The following BAG4 variants were observed in gnomAD, a reference collection of about 807,000 sequenced individuals.
BAG4 encodes the protein BAG family molecular chaperone regulator 4.
In BAG4, 28 loss-of-function variants were observed where a neutral mutation model predicts 52.1. That is an observed-to-expected ratio of 0.54 (90% confidence interval 0.40 to 0.74). BAG4 has a LOEUF of 0.74. BAG4 is among the 30% of genes least tolerant of loss of function. The probability of loss-of-function intolerance (pLI) is 0.00; values close to 1 mark genes in which losing one functional copy is unlikely to be tolerated. For missense variants in BAG4, 525 were observed against 572.0 expected (o/e 0.92, Z 0.84); for synonymous variants, 208 against 217.0 (o/e 0.96, Z 0.37).
At chr8:38,180,958 T>G (rs1803254577) in intron 1 of BAG4, among the ~76,000 whole-genome samples, 1 of 151,336 alleles carries the variant, frequency 6.6e-6, no homozygotes, top group Non-Finnish European at 1.5e-5. Flanking sequence ...TTTTTTTTTT[T>G]GAGACCGAGT....
intron 1 of BAG4, among the ~76,000 whole-genome samples, chr8:38,186,839 G>A (rs932526922): frequency 1.3e-5 from 2 of 152,196 alleles, no homozygotes; most frequent in African/African-American, 2.4e-5. Flanking sequence ...GGATGACTGT[G>A]GGCATACCCA....
intron 2 of BAG4, among the ~76,000 whole-genome samples, chr8:38,205,113 A>G (rs973649078): frequency 2.6e-5 from 4 of 151,616 alleles, no homozygotes; most frequent in Admixed American, 2.0e-4. Flanking sequence ...TCACTGTAAC[A>G]TTGAACTCCT....
rs1025348836 is a variant in BAG4, at chr8:38,211,761, T to G, written c.*1268T>G. On this transcript the variant is annotated 3_prime_UTR_variant, in exon 5 of 5. Coordinates refer to ENST00000287322, the MANE Select transcript of BAG4 (RefSeq NM_004874.4). ...TTATTACCATTATTAACAGTCATTT[T>G]AGAGCCAAATTTAAGAAAAGGATAT... 10 of 152,326 alleles carry G rather than the reference T, an allele frequency of 6.6e-5. No individual in the cohort carries two copies. The highest frequency in any genetic ancestry group is 2.2e-4 in the African/African-American group (9 of 41,590). 9.4% of individuals were successfully genotyped at this position (152,326 alleles called of 1,614,324 possible).
intron 2 of BAG4, among the ~76,000 whole-genome samples, chr8:38,199,110 G>A (rs187565701): frequency 5.3e-5 from 8 of 152,344 alleles, no homozygotes; most frequent in African/African-American, 1.9e-4. Flanking sequence ...CAAGTATTAT[G>A]TATTACATAT....
rs188906718 is a variant in BAG4 at position 38,179,077 on chromosome 8, G to T, written c.270+1938G>T. Among the ~76,000 whole-genome samples the T allele has an allele frequency of 1.3e-3, 193 of 152,200 alleles. 1 individual carries two copies. The highest frequency in any genetic ancestry group is 4.3e-3 in the African/African-American group (178 of 41,514). Reference sequence around the variant, plus strand: ...ACTACTGAATTGTACATTTTAAAAGGGTAGAGTTTATAGTATGTTGATTAT... The same window carrying T: ...ACTACTGAATTGTACATTTTAAAAGTGTAGAGTTTATAGTATGTTGATTAT... On this transcript the variant is annotated intron_variant, in intron 1 of 4. Coordinates refer to ENST00000287322, the MANE Select transcript of BAG4 (RefSeq NM_004874.4).
chr8:38,200,707 T>G (rs1351061630), intron 2 of BAG4, among the ~76,000 whole-genome samples: 1 of 152,126 alleles, frequency 6.6e-6, no homozygotes, highest in Non-Finnish European at 1.5e-5. Flanking sequence ...CAAGCCATTC[T>G]CCTGTCTCAG....
Position 38,176,914 on chromosome 8 carries a change from G to C in BAG4, c.45G>C (p.Pro15=). The change falls in exon 1 of 5, where the codon CCG becomes CCC. Residue 15 remains proline (P), a synonymous_variant. Coordinates refer to ENST00000287322, the MANE Select transcript of BAG4 (RefSeq NM_004874.4). ...RRSGYGPSDG[P]SYGRYYGPGG... ...CGGGCTACGGCCCCAGTGACGGTCC[G>C]TCCTACGGCCGCTACTACGGGCCTG... 6.5e-7 allele frequency: 1 copy of C among 1,549,676 alleles called. No individual in the cohort carries two copies.
rs540707638 is a variant in BAG4 at position 38,192,593 on chromosome 8, T to C, written c.271-95T>C. On this transcript the variant is annotated intron_variant, in intron 1 of 4. Coordinates refer to ENST00000287322, the MANE Select transcript of BAG4 (RefSeq NM_004874.4). The stretch of plus-strand genomic sequence containing the variant: ...AGCTTATTGCTTTTTGTCTATTGCT[T>C]TTTTTTTTAATCCTTATAACCTGCC... 143 of 992,884 alleles carry C rather than the reference T, an allele frequency of 1.4e-4. 1 individual carries two copies. In the Admixed American group the frequency reaches 3.7e-3, roughly 26 times the overall value. The allele number at this position is 992,884 out of a possible 1,614,324, so 61.5% of individuals were successfully genotyped here. A position where few individuals can be genotyped will look rare whatever the true frequency, so the allele number is the denominator to read the frequency against.
intron 1 of BAG4, among the ~76,000 whole-genome samples, chr8:38,182,163 A>C (rs115752494): frequency 9.5e-4 from 145 of 152,318 alleles, no homozygotes; most frequent in African/African-American, 3.3e-3. Flanking sequence ...AGAGATCCAA[A>C]TGAGTTTGAA....
chr8:38,192,305 C>T (rs1413109603), intron 1 of BAG4, among the ~76,000 whole-genome samples: 1 of 152,148 alleles, frequency 6.6e-6, no homozygotes, highest in African/African-American at 2.4e-5. Context: ...CTTTATATAG[C>T]ATTTGGTGTG....
chr8:38,176,955 C>A lies in BAG4; in HGVS notation c.86C>A (p.Pro29Gln). The A allele has an allele frequency of 2.6e-6, 4 of 1,563,420 alleles. No homozygotes were observed. The highest frequency in any genetic ancestry group is 3.5e-6 in the Non-Finnish European group (4 of 1,154,232). The stretch of plus-strand genomic sequence containing the variant: ...TACGGGCCTGGGGGTGGAGATGTGC[C>A]GGTACACCCACCTCCACCCTTATAT... ...RYYGPGGGDVPVHPPPPLYPL... is the reference protein window; with the variant it reads ...RYYGPGGGDVQVHPPPPLYPL... The change falls in exon 1 of 5, where the codon CCG (proline) becomes CAG (glutamine). Residue 29 changes from proline (P) to glutamine (Q), a missense_variant. This residue lies in a region of BAG4 where 287 missense variants were observed against 266.1 expected (regional missense o/e 1.08). Coordinates refer to ENST00000287322, the MANE Select transcript of BAG4 (RefSeq NM_004874.4).
chr8:38,198,645 C>A (rs900307619), intron 2 of BAG4, among the ~76,000 whole-genome samples: 1 of 151,358 alleles, frequency 6.6e-6, no homozygotes. Context: ...CCCACCACCA[C>A]GCCCGGCTAA....
intron 1 of BAG4, among the ~76,000 whole-genome samples, chr8:38,179,303 C>T (rs1039807156): frequency 6.6e-6 from 1 of 151,876 alleles, no homozygotes; most frequent in Non-Finnish European, 1.5e-5. Context: ...ATTACAGGCG[C>T]CTGCCACCAT....
chr8:38,193,588 CAG>C (rs1251449792), intron 2 of BAG4, among the ~76,000 whole-genome samples: 2 of 151,892 alleles, frequency 1.3e-5, no homozygotes, highest in African/African-American at 2.4e-5. Flanking sequence ...TTATTTGAAA[CAG>C]GGTCATTTTC....
rs760711712 is a variant in BAG4 at position 38,176,886 on chromosome 8, G to T, written c.17G>T (p.Arg6Leu). 2.6e-6 allele frequency: 4 copies of T among 1,540,142 alleles called. No homozygotes were observed. The highest frequency in any genetic ancestry group is 1.2e-5 in the South Asian group (1 of 83,060). Reference sequence around the variant, plus strand: ...GCGGATCCCATGTCGGCCCTGAGGCGCTCGGGCTACGGCCCCAGTGACGGT... The same window carrying T: ...GCGGATCCCATGTCGGCCCTGAGGCTCTCGGGCTACGGCCCCAGTGACGGT... MSALR[R>L]SGYGPSDGPS... The change falls in exon 1 of 5, where the codon CGC (arginine) becomes CTC (leucine). Residue 6 changes from arginine (R) to leucine (L), a missense_variant. Physicochemically the swap from Arg to Leu is moderately radical, Grantham distance 102. This residue lies in a region of BAG4 where 287 missense variants were observed against 266.1 expected (regional missense o/e 1.08). Transcript: ENST00000287322.
At chr8:38,209,340 G>C (rs1265791978) in intron 4 of BAG4, 73 bp downstream of exon 4, 1 of 1,579,416 alleles carries the variant, frequency 6.3e-7, no homozygotes, top group Non-Finnish European at 8.6e-7. Context: ...TATAGTTTCT[G>C]TACTGGTTTG....
rs1231038874 is a variant in BAG4 at position 38,212,592 on chromosome 8, C to T, written c.*2099C>T. 3.3e-5 allele frequency: 5 copies of T among 152,060 alleles called. No homozygotes were observed. The highest frequency in any genetic ancestry group is 1.2e-4 in the African/African-American group (5 of 41,414). 9.4% of individuals were successfully genotyped at this position (152,060 alleles called of 1,614,324 possible). ...TAATGTCCTTTTACTGTTCCAAGAC[C>T]CAGCCTTGCATTTAGCTATCATGCC... On this transcript the variant is annotated 3_prime_UTR_variant, in exon 5 of 5. Transcript: ENST00000287322.
At chr8:38,198,468 G>T (rs186785934) in intron 2 of BAG4, among the ~76,000 whole-genome samples, 2 of 143,874 alleles carry the variant, frequency 1.4e-5, no homozygotes, top group African/African-American at 2.5e-5. Context: ...TGTTTTTAAG[G>T]TTTTTTTGTT....
rs1296348420 is a variant in BAG4, at chr8:38,184,191, G to C, written c.270+7052G>C. ...CCAGGAAACTTGGAAGAATGGCCGG[G>C]CGCAGTGGCTCACGCTTGTAATCCT... On this transcript the variant is annotated intron_variant, in intron 1 of 4. Coordinates refer to ENST00000287322, the MANE Select transcript of BAG4 (RefSeq NM_004874.4). Among the ~76,000 whole-genome samples, 6 of 152,174 alleles carry C rather than the reference G, an allele frequency of 3.9e-5. No individual in the cohort carries two copies. In the East Asian group the frequency reaches 9.6e-4, roughly 24 times the overall value.
Sources: gnomAD v4.1 joint callset for allele counts (sites outside exome capture counted in the v4.1 genomes callset) on GRCh38, gnomAD v4.1.1 for gene constraint, gnomAD v4.1.1 regional missense constraint, MANE v1.5 for transcripts, NCBI Gene and HGNC (gene_info 2026-07-23, HGNC 2026-07-21) for gene names.